HHATL: variants seen among roughly 807,000 people sequenced by gnomAD.
The protein encoded by HHATL is hedgehog acyltransferase like, also known as protein-cysteine N-palmitoyltransferase HHAT-like protein.
In HHATL, 49 loss-of-function variants were observed where a neutral mutation model predicts 59.7. The ratio of observed to expected loss-of-function variants is 0.82; its 90% CI spans 0.65 to 1.04. The LOEUF is 1.04. Among genes scored for constraint, HHATL ranks in the 50% least tolerant of loss-of-function variants. The probability of loss-of-function intolerance (pLI) is 0.00; values close to 1 mark genes in which losing one functional copy is unlikely to be tolerated. For synonymous variants in HHATL, 238 were observed against 257.3 expected (o/e 0.93, Z 0.72); for missense variants, 605 against 650.8 (o/e 0.93, Z 0.77).
chr3:42,700,933 G>T, intron 1 of HHATL, 94 bp from the exon 2 acceptor site: 1 of 785,736 alleles, frequency 1.3e-6, no homozygotes, highest in Non-Finnish European at 2.1e-6. Flanking sequence ...CCACTCTGAA[G>T]AGAGATTGCC....
intron 9 of HHATL, among the ~76,000 whole-genome samples, chr3:42,696,434 C>G (rs1426121617): frequency 1.3e-5 from 2 of 152,182 alleles, no homozygotes; most frequent in Middle Eastern, 3.2e-3. Flanking sequence ...CCCAGACCCT[C>G]AGACCCAACC....
chr3:42,697,801 AG>A (rs1697704470), intron 6 of HHATL, 122 bp from the exon 7 acceptor site: 1 of 1,059,684 alleles, frequency 9.4e-7, no homozygotes, highest in Non-Finnish European at 1.3e-6. Flanking sequence ...GTCCTGCCTG[AG>A]GGTGGAGACA....
chr3:42,695,537 T>A (rs339696), intron 9 of HHATL, among the ~76,000 whole-genome samples: 5,091 of 151,780 alleles, frequency 0.034, 282 homozygotes, highest in African/African-American at 0.11. Flanking sequence ...TGCTTCTCCC[T>A]TGCTCTGCAA....
intron 10 of HHATL, 193 bp from the exon 11 acceptor site, chr3:42,693,411 C>A: frequency 1.3e-6 from 1 of 785,430 alleles, no homozygotes; most frequent in Non-Finnish European, 2.0e-6. Flanking sequence ...GCCTGACCAA[C>A]ATGGCAAGGC....
Position 42,698,726 on chromosome 3 carries a change from G to T in HHATL, c.465C>A (p.Asp155Glu), listed in dbSNP as rs777324800. ...GLASLASFKM[D>E]PLISWQSGFV... ...TTCACACCTGCCAAGAGATTAGGGG[G>T]TCCATCTTGAAGGAGGCCAGGCTGG... is the stretch of plus-strand genomic sequence containing the variant. Residue 155 changes from aspartate (D) to glutamate (E), a missense_variant, in exon 5 of 12, where the codon GAC (aspartate) becomes GAA (glutamate). Asp to Glu is a conservative substitution (Grantham distance 45, BLOSUM62 2). Transcript: ENST00000441594. The T allele has an allele frequency of 1.0e-5, 16 of 1,580,186 alleles. No individual in the cohort carries two copies. Among genetic ancestry groups the T allele is most frequent in the Non-Finnish European group, 1.4e-5 (16 of 1,167,526 alleles).
Position 42,698,440 on chromosome 3 carries a change from G to C in HHATL, c.484-89C>G, listed in dbSNP as rs1327089155. The C allele has an allele frequency of 4.5e-5, 56 of 1,249,766 alleles. No homozygotes were observed. In the South Asian group the frequency reaches 7.3e-4, roughly 16 times the overall value. 77.4% of individuals were successfully genotyped at this position (1,249,766 alleles called of 1,614,324 possible). A position where few individuals can be genotyped will look rare whatever the true frequency, so the allele number is the denominator to read the frequency against. ...CCCCACTCCCTAGCTTCCCACAGGG[G>C]CCCAGCCTGGTCCTGTCCCTTCCTC... On this transcript the variant is annotated intron_variant, in intron 5 of 11. Coordinates refer to ENST00000441594, the MANE Select transcript of HHATL (RefSeq NM_020707.4).
chr3:42,697,398 G>T, intron 7 of HHATL, 110 bp downstream of exon 7: 1 of 1,283,362 alleles, frequency 7.8e-7, no homozygotes, highest in Non-Finnish European at 1.1e-6. Context: ...ACGCCCTCAG[G>T]TGCTGTGCCC....
Position 42,693,164 on chromosome 3 carries a change from T to C in HHATL, c.1303A>G (p.Asn435Asp), listed in dbSNP as rs1463237384. ...RRVRALFGAM[N>D]FWAIIMYNLV... ...TTGTACATGATGATGGCCCAGAAGT[T>C]CATGGCTCCAAACAGGGCCCGGACC... The change falls in exon 11 of 12, where the codon AAC (asparagine) becomes GAC (aspartate). Residue 435 changes from asparagine to aspartate, a missense_variant. Coordinates refer to ENST00000441594, the MANE Select transcript of HHATL (RefSeq NM_020707.4). 1 of 1,614,008 alleles carries C rather than the reference T, an allele frequency of 6.2e-7. No homozygotes were observed. The highest frequency in any genetic ancestry group is 1.3e-5 in the African/African-American group (1 of 74,900).
chr3:42,697,791 G>A, intron 6 of HHATL, 112 bp from the exon 7 acceptor site: 2 of 1,151,196 alleles, frequency 1.7e-6, no homozygotes, highest in South Asian at 3.1e-5. Context: ...TTATCCAGGA[G>A]TCCTGCCTGA....
rs866746862 is a variant in HHATL at position 42,701,014 on chromosome 3, C to T, written c.-13-175G>A. On this transcript the variant is annotated intron_variant, in intron 1 of 11. Coordinates refer to ENST00000441594, the MANE Select transcript of HHATL (RefSeq NM_020707.4). The surrounding 1 kb of genome is among the most constrained non-coding windows in gnomAD (Gnocchi z 5.1). Reference sequence around the variant, plus strand: ...GTGCCCCCCACAGTTCACAGGCCACCGAACACCAGTGCCCCATCCCAGCTG... The same window carrying T: ...GTGCCCCCCACAGTTCACAGGCCACTGAACACCAGTGCCCCATCCCAGCTG... 1.2e-4 allele frequency: 67 copies of T among 577,634 alleles called. 1 individual carries two copies. Among genetic ancestry groups the T allele is most frequent in the South Asian group, 1.1e-3 (51 of 45,904 alleles). The allele number at this position is 577,634 out of a possible 1,614,324, so 35.8% of individuals were successfully genotyped here. A position where few individuals can be genotyped will look rare whatever the true frequency, so the allele number is the denominator to read the frequency against.
rs1697412635 is a variant in HHATL, at chr3:42,692,891, G to A, written c.1391-16C>T. ...TGGGGGAACCCTGTGTGGGGAGGGA[G>A]TCATAGATGCTCAGGAGCAGCACTG... is the stretch of plus-strand genomic sequence containing the variant. On this transcript the variant is annotated splice_polypyrimidine_tract_variant and intron_variant, in intron 11 of 11. Coordinates refer to ENST00000441594, the MANE Select transcript of HHATL (RefSeq NM_020707.4). 2 of 1,612,554 alleles carry A rather than the reference G, an allele frequency of 1.2e-6. No homozygotes were observed. Among genetic ancestry groups the A allele is most frequent in the Non-Finnish European group, 1.7e-6 (2 of 1,178,536 alleles).
In HHATL at chr3:42,701,197, GC is replaced by G. The variant is rs1196968155; in HGVS notation, c.-13-359del. 1.7e-5 allele frequency: 4 copies of G among 232,450 alleles called. No individual in the cohort carries two copies. The highest frequency in any genetic ancestry group is 2.6e-5 in the Non-Finnish European group (3 of 117,064). 14.4% of individuals were successfully genotyped at this position (232,450 alleles called of 1,614,324 possible). ...CTGCCAAGGCCCCCATGACCTGCGTGCGGAGAAACCCCACCTCTATCACTAC... is the reference window on the plus strand; with the variant it reads ...CTGCCAAGGCCCCCATGACCTGCGTGGGAGAAACCCCACCTCTATCACTAC... On this transcript the variant is annotated intron_variant, in intron 1 of 11. Coordinates refer to ENST00000441594, the MANE Select transcript of HHATL (RefSeq NM_020707.4). This position sits in a 1 kb window ranked among gnomAD's most constrained non-coding sequence, Gnocchi z 5.1.
Position 42,695,083 on chromosome 3 carries a change from C to T in HHATL, c.1047-1265G>A, listed in dbSNP as rs1325798948. On this transcript the variant is annotated intron_variant, in intron 9 of 11. Coordinates refer to ENST00000441594, the MANE Select transcript of HHATL (RefSeq NM_020707.4). ...TGTGGAAGACCCAGGAATAACCAGC[C>T]TCTCCATTCCTCGACCTCCTCATTT... Among the ~76,000 whole-genome samples, 4 of 152,306 alleles carry T rather than the reference C, an allele frequency of 2.6e-5. No individual in the cohort carries two copies. The South Asian group carries it at 8.3e-4, about 32-fold the overall frequency.
rs1379879608 is a variant in HHATL at position 42,696,749 on chromosome 3, G to A, written c.1046+93C>T. The A allele has an allele frequency of 7.3e-6, 10 of 1,376,396 alleles. No homozygotes were observed. The Admixed American group carries it at 1.7e-4, about 23-fold the overall frequency. 85.3% of individuals were successfully genotyped at this position (1,376,396 alleles called of 1,614,324 possible). ...CCCTCTTTGCTTCCCCTGGCCCAGG[G>A]GTGATCTTTTAAAATGTGGACCCAT... On this transcript the variant is annotated intron_variant, in intron 9 of 11. Coordinates refer to ENST00000441594, the MANE Select transcript of HHATL (RefSeq NM_020707.4).
Position 42,697,263 on chromosome 3 carries a change from C to T in HHATL, c.866-118G>A, listed in dbSNP as rs1031644938. 8.3e-6 allele frequency: 11 copies of T among 1,319,692 alleles called. No individual in the cohort carries two copies. In the African/African-American group the frequency reaches 1.2e-4, roughly 14 times the overall value. 81.7% of individuals were successfully genotyped at this position (1,319,692 alleles called of 1,614,324 possible). ...AGGCTCTGCCCGCCCCACGGAGACC[C>T]CCCCATATTGTGGAAATCAGTCATG... On this transcript the variant is annotated intron_variant, in intron 7 of 11. Transcript: ENST00000441594.
chr3:42,699,940 G>C, intron 2 of HHATL, 115 bp from the exon 3 acceptor site: 1 of 761,782 alleles, frequency 1.3e-6, no homozygotes, highest in Non-Finnish European at 2.2e-6. Context: ...CGGGGCACGG[G>C]TCTGAGTCTC....
In HHATL at chr3:42,698,810, C is replaced by T. The variant is rs1697778959; in HGVS notation, c.381G>A (p.Val127=). ...CCAAAAGCGAGGCCACATAGAGGCC[C>T]ACACAGTGACCAAGCAGCAGCAGCA... is the stretch of plus-strand genomic sequence containing the variant. ...WYLLLLLGHC[V]GLYVASLLGQ... is the part of the protein sequence containing the mutation. The change falls in exon 5 of 12, where the codon GTG becomes GTA. Residue 127 remains valine (V), a synonymous_variant. Coordinates refer to ENST00000441594, the MANE Select transcript of HHATL (RefSeq NM_020707.4). The T allele has an allele frequency of 1.2e-6, 2 of 1,613,936 alleles. No homozygotes were observed. The highest frequency in any genetic ancestry group is 8.5e-7 in the Non-Finnish European group (1 of 1,179,940).
In HHATL at chr3:42,692,829, G is replaced by A. The variant is rs142843734; in HGVS notation, c.1437C>T (p.Gly479=). The A allele has an allele frequency of 1.1e-4, 180 of 1,614,086 alleles. No homozygotes were observed. Among genetic ancestry groups the A allele is most frequent in the Non-Finnish European group, 1.4e-4 (168 of 1,180,044 alleles). Residue 479 remains glycine (G), a synonymous_variant, in exon 12 of 12, where the codon GGC becomes GGT. Transcript: ENST00000441594. ...TLSILFVTYC[G]VQLVKERERT... ...GCTCACGCTCCTTTACCAGCTGGAC[G>A]CCACAGTAGGTGACAAACAGGATGG...
chr3:42,693,021 C>G, intron 11 of HHATL, 56 bp downstream of exon 11: 1 of 1,606,318 alleles, frequency 6.2e-7, no homozygotes. Context: ...TGGAAGGTCA[C>G]GGTCCTTGAG....
Sources: allele counts gnomAD v4.1 joint callset (sites outside exome capture counted in the v4.1 genomes callset), GRCh38; gene constraint gnomAD v4.1.1; non-coding constraint Gnocchi (gnomAD v3.1); transcripts MANE v1.5; gene names NCBI Gene and HGNC (gene_info 2026-07-23, HGNC 2026-07-21).